EPB41L4A: variants seen among roughly 807,000 people sequenced by gnomAD.
EPB41L4A encodes the protein band 4.1-like protein 4A.
EPB41L4A carries 100 observed loss-of-function variants against 108.6 expected under a neutral mutation model. The observed-to-expected ratio is 0.92, with a 90% CI of 0.78 to 1.09. The LOEUF is 1.09. EPB41L4A is among the 50% of genes least tolerant of loss of function. The pLI, the probability that EPB41L4A is intolerant of heterozygous loss-of-function variation, is 0.00. For synonymous variants in EPB41L4A, 319 were observed against 289.0 expected (o/e 1.10, Z -1.05); for missense variants, 1,030 against 842.7 (o/e 1.22, Z -2.75).
chr5:112,148,763 C>G (rs946783477), intron 12 of EPB41L4A, among the ~76,000 whole-genome samples: 1 of 152,046 alleles, frequency 6.6e-6, no homozygotes, highest in Non-Finnish European at 1.5e-5. Flanking sequence ...CATTATTTTG[C>G]TTTTTAATAT....
chr5:112,265,402 G>A (rs1751775496), intron 5 of EPB41L4A, among the ~76,000 whole-genome samples: 1 of 152,086 alleles, frequency 6.6e-6, no homozygotes, highest in African/African-American at 2.4e-5. Flanking sequence ...CCAAGAAACA[G>A]TGCATGTGAT....
chr5:112,301,091 T>C (rs1003900239), intron 2 of EPB41L4A, among the ~76,000 whole-genome samples: 2 of 152,192 alleles, frequency 1.3e-5, no homozygotes, highest in Non-Finnish European at 2.9e-5. Context: ...GGACTTCACC[T>C]TTCTCTGGTG....
chr5:112,375,799 G>A (rs1759783091), intron 1 of EPB41L4A, among the ~76,000 whole-genome samples: 1 of 152,220 alleles, frequency 6.6e-6, no homozygotes, highest in African/African-American at 2.4e-5. Flanking sequence ...GCTGGTAGAT[G>A]TTCACTGTAA....
chr5:112,378,476 TAAC>T (rs1156937732), intron 1 of EPB41L4A, among the ~76,000 whole-genome samples: 2 of 152,200 alleles, frequency 1.3e-5, no homozygotes, highest in Non-Finnish European at 2.9e-5. Context: ...AATTATATCT[TAAC>T]AATACAGATT....
chr5:112,232,741 G>A (rs994284753), intron 12 of EPB41L4A, among the ~76,000 whole-genome samples: 9 of 152,208 alleles, frequency 5.9e-5, no homozygotes, highest in Non-Finnish European at 1.2e-4. Flanking sequence ...CCTATAATGT[G>A]CTAGACCCAG....
At chr5:112,179,130 T>C (rs1761020307) in intron 18 of EPB41L4A, among the ~76,000 whole-genome samples, 1 of 152,040 alleles carries the variant, frequency 6.6e-6, no homozygotes, top group African/African-American at 2.4e-5. Context: ...ATTTTAAAAG[T>C]ATAAATTATC....
At chr5:112,225,681 CA>C (rs1367773740) in intron 12 of EPB41L4A, among the ~76,000 whole-genome samples, 1 of 152,192 alleles carries the variant, frequency 6.6e-6, no homozygotes, top group African/African-American at 2.4e-5. Context: ...CATACTTTCC[CA>C]CCCAATTTGT....
In EPB41L4A at chr5:112,271,206, T is replaced by C. The variant is rs569635191; in HGVS notation, c.335+4120A>G. ...CTAGAGGGGATAGTAAAATGATTCA[T>C]AGTTAAATCAGCACCTACAATAAGA... On this transcript the variant is annotated intron_variant, in intron 4 of 22. Coordinates refer to ENST00000261486, the MANE Select transcript of EPB41L4A (RefSeq NM_022140.5). 6.3e-4 allele frequency among the ~76,000 whole-genome samples: 96 copies of C among 152,364 alleles called. 2 individuals are homozygous for C. Among genetic ancestry groups the C allele is most frequent in the African/African-American group, 2.2e-3 (92 of 41,584 alleles).
chr5:112,326,988 T>C (rs918997240), intron 1 of EPB41L4A, among the ~76,000 whole-genome samples: 7 of 152,210 alleles, frequency 4.6e-5, no homozygotes, highest in African/African-American at 1.7e-4. Context: ...CTCACGACTA[T>C]ACTAGAGACC....
chr5:112,344,575 T>C (rs780132678), intron 1 of EPB41L4A, among the ~76,000 whole-genome samples: 3 of 152,260 alleles, frequency 2.0e-5, no homozygotes, highest in South Asian at 2.1e-4. Context: ...GTAGGTGTGA[T>C]TGAAGTCTAT....
chr5:112,258,476 C>A (rs1240824827), intron 9 of EPB41L4A, among the ~76,000 whole-genome samples: 1 of 152,196 alleles, frequency 6.6e-6, no homozygotes, highest in East Asian at 1.9e-4. Flanking sequence ...ATCGTGTTTT[C>A]ACTCATGTAT....
intron 1 of EPB41L4A, among the ~76,000 whole-genome samples, chr5:112,371,341 T>C (rs921361708): frequency 1.3e-5 from 2 of 152,216 alleles, no homozygotes; most frequent in African/African-American, 4.8e-5. Flanking sequence ...GAAATGAGTG[T>C]TCTCCAAGAC....
chr5:112,164,941 C>G lies in EPB41L4A; in HGVS notation c.*49G>C. On this transcript the variant is annotated 3_prime_UTR_variant, in exon 23 of 23. Transcript: ENST00000261486. ...ACCTATTTCACAGTTTCAAAAGTACCAGTGGCGCACACAACCTTCCCACCC... is the reference window on the plus strand; with the variant it reads ...ACCTATTTCACAGTTTCAAAAGTACGAGTGGCGCACACAACCTTCCCACCC... 1 of 1,510,918 alleles carries G rather than the reference C, an allele frequency of 6.6e-7. No individual in the cohort carries two copies. The highest frequency in any genetic ancestry group is 1.4e-5 in the South Asian group (1 of 73,008). The allele number at this position is 1,510,918 out of a possible 1,614,324, so 93.6% of individuals were successfully genotyped here.
chr5:112,400,529 G>A (rs1003216009), intron 1 of EPB41L4A, among the ~76,000 whole-genome samples: 6 of 151,952 alleles, frequency 3.9e-5, no homozygotes, highest in African/African-American at 1.2e-4. Context: ...TCACACAGTG[G>A]GAACAGGAGC....
chr5:112,173,828 G>C (rs1448416944), intron 18 of EPB41L4A: 2 of 152,156 alleles, frequency 1.3e-5, no homozygotes, highest in African/African-American at 4.8e-5. Flanking sequence ...ATTTTTAGTA[G>C]AGACGGGGTT....
intron 12 of EPB41L4A, among the ~76,000 whole-genome samples, chr5:112,147,630 T>A (rs1261472429): frequency 7.6e-6 from 1 of 131,546 alleles, no homozygotes; most frequent in East Asian, 2.3e-4. Flanking sequence ...AGAACGAGAC[T>A]CTGTCTCAAG....
chr5:112,259,329 A>C, intron 8 of EPB41L4A, 37 bp from the exon 9 acceptor site: 21 of 1,568,244 alleles, frequency 1.3e-5, no homozygotes, highest in Non-Finnish European at 1.8e-5. Flanking sequence ...TGCTGTTTTT[A>C]AGTATTAACC....
intron 12 of EPB41L4A, among the ~76,000 whole-genome samples, chr5:112,223,430 A>G (rs1748222066): frequency 6.6e-6 from 1 of 152,154 alleles, no homozygotes; most frequent in Non-Finnish European, 1.5e-5. Context: ...TGGCATAGAA[A>G]CCATCACCTC....
intron 1 of EPB41L4A, among the ~76,000 whole-genome samples, chr5:112,358,948 A>G (rs952003955): frequency 7.2e-5 from 11 of 152,228 alleles, no homozygotes; most frequent in Non-Finnish European, 1.5e-4. Flanking sequence ...AAAAATATAT[A>G]TATTGTATTA....
Sources: gnomAD v4.1 joint callset for allele counts (sites outside exome capture counted in the v4.1 genomes callset) on GRCh38, gnomAD v4.1.1 for gene constraint, MANE v1.5 for transcripts, NCBI Gene and HGNC (gene_info 2026-07-23, HGNC 2026-07-21) for gene names.